The following MTA3 variants were observed in gnomAD, a reference collection of about 807,000 sequenced individuals.
The protein encoded by MTA3 is metastasis associated 1 family member 3.
A neutral mutation model predicts 83.5 loss-of-function variants in MTA3; 34 were observed. The observed-to-expected ratio is 0.41, with a 90% confidence interval of 0.31 to 0.54. MTA3 has a LOEUF of 0.54. Ranked by LOEUF, MTA3 falls within the 20% of genes least tolerant of loss-of-function variation. MTA3 has a pLI of 0.33. For synonymous variants in MTA3, 303 were observed against 252.7 expected (o/e 1.20, Z -1.89); for missense variants, 761 against 726.4 (o/e 1.05, Z -0.55).
chr2:42,595,068 TA>T (rs1416144221), intron 3 of MTA3, among the ~76,000 whole-genome samples: 3 of 142,328 alleles, frequency 2.1e-5, no homozygotes, highest in Non-Finnish European at 3.0e-5. Flanking sequence ...TATCTATTCT[TA>T]TTCAAAACCA....
intron 8 of MTA3, among the ~76,000 whole-genome samples, chr2:42,661,005 G>A (rs1037077957): frequency 1.3e-5 from 2 of 152,106 alleles, no homozygotes; most frequent in Non-Finnish European, 2.9e-5. Flanking sequence ...TGCATTTTGT[G>A]TACTTCTGTA....
intron 2 of MTA3, among the ~76,000 whole-genome samples, chr2:42,498,003 A>T (rs1351317863): frequency 1.3e-5 from 2 of 152,220 alleles, no homozygotes; most frequent in African/African-American, 2.4e-5. Context: ...TTGAACACAG[A>T]TTCCTCCATC....
intron 9 of MTA3, among the ~76,000 whole-genome samples, chr2:42,694,565 C>G (rs987708031): frequency 3.9e-5 from 6 of 152,108 alleles, no homozygotes; most frequent in Admixed American, 6.5e-5. Flanking sequence ...AATGTAAAGT[C>G]CCCTGGTCAC....
intron 10 of MTA3, among the ~76,000 whole-genome samples, chr2:42,696,592 T>A (rs1240516774): frequency 1.3e-5 from 2 of 152,172 alleles, no homozygotes. Flanking sequence ...TATAAAAAAA[T>A]TTTATGAATC....
rs149163437 is a variant in MTA3 at position 42,722,899 on chromosome 2, T to A, written c.1623T>A (p.Pro541=). 187 of 1,550,246 alleles carry A rather than the reference T, an allele frequency of 1.2e-4. 1 individual carries two copies. The East Asian group carries it at 4.5e-3, about 37-fold the overall frequency. ...ACIIGYLEIH[P]AKKPNVIRST... ...TTTTTCCCCCATCAGAGATCCATCC[T>A]GCAAAGAAACCTAATGTAATTCGAT... Residue 541 remains proline (P), a synonymous_variant, in exon 16 of 17, where the codon CCT becomes CCA. Coordinates refer to ENST00000405094, the MANE Select transcript of MTA3 (RefSeq NM_001330442.2).
chr2:42,499,320 A>T (rs1393895242), intron 2 of MTA3, among the ~76,000 whole-genome samples: 1 of 151,680 alleles, frequency 6.6e-6, no homozygotes, highest in Admixed American at 6.6e-5. Flanking sequence ...GGCATGCACC[A>T]TCACCCCGGC....
chr2:42,724,233 A>T (rs750893037), intron 16 of MTA3, among the ~76,000 whole-genome samples: 16 of 147,098 alleles, frequency 1.1e-4, no homozygotes, highest in Admixed American at 2.1e-4. Flanking sequence ...TGGCCTTTCT[A>T]GGCATATAAT....
In MTA3 at chr2:42,709,115, C is replaced by G; in HGVS notation, c.1525+19C>G. 1.9e-6 allele frequency: 3 copies of G among 1,567,238 alleles called. No individual in the cohort carries two copies. The highest frequency in any genetic ancestry group is 2.6e-6 in the Non-Finnish European group (3 of 1,155,616). On this transcript the variant is annotated intron_variant, in intron 14 of 16. Transcript: ENST00000405094. ...GCAGAATGTAAGATGCTTTTAAATT[C>G]TTAACCTTATATGTTGTGCTTCTGA... is the stretch of plus-strand genomic sequence containing the variant.
At chr2:42,700,906 G>C (rs781300236) in intron 11 of MTA3, among the ~76,000 whole-genome samples, 3 of 152,156 alleles carry the variant, frequency 2.0e-5, no homozygotes, top group Non-Finnish European at 4.4e-5. Flanking sequence ...TTTGAGATCA[G>C]TCTGCACAAA....
intron 6 of MTA3, among the ~76,000 whole-genome samples, chr2:42,647,190 A>G (rs1005847402): frequency 5.3e-5 from 8 of 151,084 alleles, no homozygotes; most frequent in African/African-American, 1.7e-4. Context: ...GAAGTCTACC[A>G]TAGGTAAAAT....
rs112015144 is a variant in MTA3, at chr2:42,683,418, T to C, written c.891+829T>C. Among the ~76,000 whole-genome samples the C allele has an allele frequency of 3.4e-3, 523 of 152,272 alleles. 3 individuals are homozygous for C. The highest frequency in any genetic ancestry group is 0.012 in the African/African-American group (492 of 41,550). On this transcript the variant is annotated intron_variant, in intron 9 of 16. Transcript: ENST00000405094. ...TGTAGAGGAGTGGTCCCCAACCTTT[T>C]TGGCACCAAGGACCAGTTTTGTGGA...
intron 4 of MTA3, among the ~76,000 whole-genome samples, chr2:42,635,177 T>C (rs1194619596): frequency 3.3e-5 from 5 of 152,240 alleles, no homozygotes. Context: ...AGAAATCTAG[T>C]CTTCTGAAAG....
chr2:42,657,699 A>G (rs1409070275), intron 7 of MTA3, among the ~76,000 whole-genome samples: 4 of 149,560 alleles, frequency 2.7e-5, no homozygotes, highest in African/African-American at 9.8e-5. Context: ...AGGCCAAGGC[A>G]GGAGGATTGT....
rs1573747524 is a variant in MTA3, at chr2:42,719,170, G to A, written c.1612+96G>A. On this transcript the variant is annotated intron_variant, in intron 15 of 16. Coordinates refer to ENST00000405094, the MANE Select transcript of MTA3 (RefSeq NM_001330442.2). ...AATGGACATACCTAAACTAATTCAGGCCCTTCAAATAGCCGAAATTGGATA... is the reference window on the plus strand; with the variant it reads ...AATGGACATACCTAAACTAATTCAGACCCTTCAAATAGCCGAAATTGGATA... 11 of 911,412 alleles carry A rather than the reference G, an allele frequency of 1.2e-5. No individual in the cohort carries two copies. In the East Asian group the frequency reaches 2.9e-4, roughly 24 times the overall value. 56.5% of individuals were successfully genotyped at this position (911,412 alleles called of 1,614,324 possible).
rs115879759 is a variant in MTA3 at position 42,581,668 on chromosome 2, G to A, written c.190+2468G>A. ...AAAATGTTGGGATTACAGGTGTGAG[G>A]CACCACACCCAACTAGCAACAACCT... On this transcript the variant is annotated intron_variant, in intron 3 of 16. Coordinates refer to ENST00000405094, the MANE Select transcript of MTA3 (RefSeq NM_001330442.2). 2.1e-3 allele frequency: 372 copies of A among 179,554 alleles called. 3 individuals carry two copies. The highest frequency in any genetic ancestry group is 8.6e-3 in the African/African-American group (357 of 41,688). 11.1% of individuals were successfully genotyped at this position (179,554 alleles called of 1,614,324 possible).
chr2:42,727,017 C>A (rs1667873152), intron 16 of MTA3, among the ~76,000 whole-genome samples: 1 of 152,150 alleles, frequency 6.6e-6, no homozygotes, highest in South Asian at 2.1e-4. Flanking sequence ...CACAGTGAGA[C>A]CCCAACTCTA....
chr2:42,660,557 C>A (rs777762960), intron 8 of MTA3, among the ~76,000 whole-genome samples: 3 of 152,154 alleles, frequency 2.0e-5, no homozygotes, highest in Non-Finnish European at 4.4e-5. Context: ...TCTCTGCACT[C>A]CAGAAAAGTG....
intron 3 of MTA3, among the ~76,000 whole-genome samples, chr2:42,580,423 G>A (rs1287302344): frequency 6.6e-6 from 1 of 151,834 alleles, no homozygotes; most frequent in Non-Finnish European, 1.5e-5. Flanking sequence ...CCAGACTGGA[G>A]TGCAGTGGTG....
At chr2:42,500,872 G>T (rs563524440) in intron 2 of MTA3, among the ~76,000 whole-genome samples, 1 of 150,144 alleles carries the variant, frequency 6.7e-6, no homozygotes, top group African/African-American at 2.5e-5. Flanking sequence ...GTGTGGTGGC[G>T]TGATCTCGGC....
Sources: allele counts gnomAD v4.1 joint callset (sites outside exome capture counted in the v4.1 genomes callset), GRCh38; gene constraint gnomAD v4.1.1; transcripts MANE v1.5; gene names NCBI Gene and HGNC (gene_info 2026-07-23, HGNC 2026-07-21).